ARHGEF10L: variants seen among roughly 807,000 people sequenced by gnomAD.
The protein encoded by ARHGEF10L is Rho guanine nucleotide exchange factor 10 like.
Under a neutral mutation model 141.2 loss-of-function variants are expected in ARHGEF10L, and 69 were observed. That is an observed-to-expected ratio of 0.49 (90% CI 0.40 to 0.60). The LOEUF (loss-of-function observed/expected upper bound fraction) is 0.60, where lower values mean the gene tolerates loss of function less well. Ranked by LOEUF, ARHGEF10L falls within the 20% of genes least tolerant of loss-of-function variation. The probability of loss-of-function intolerance (pLI) is 0.00; values close to 1 mark genes in which losing one functional copy is unlikely to be tolerated. For synonymous variants in ARHGEF10L, 711 were observed against 718.5 expected (o/e 0.99, Z 0.17); for missense variants, 1,482 against 1,734.3 (o/e 0.85, Z 2.58).
chr1:17,592,795 T>C (rs2079671525), intron 4 of ARHGEF10L, among the ~76,000 whole-genome samples: 1 of 152,124 alleles, frequency 6.6e-6, no homozygotes, highest in Non-Finnish European at 1.5e-5. Flanking sequence ...TCCGGAACAT[T>C]TGAGCCTCCT....
chr1:17,651,227 T>G lies in ARHGEF10L; in HGVS notation c.2394+2552T>G, dbSNP rs563117456. On this transcript the variant is annotated intron_variant, in intron 22 of 28. Coordinates refer to ENST00000361221, the MANE Select transcript of ARHGEF10L (RefSeq NM_018125.4). ...AGCTAGGTGCCCCAGTCTATCACCC[T>G]AGTCCTGGCCCTGGTGGAGGCCGTC... Among the ~76,000 whole-genome samples the G allele has an allele frequency of 2.0e-5, 3 of 152,346 alleles. No homozygotes were observed. In the South Asian group the frequency reaches 6.2e-4, roughly 32 times the overall value.
chr1:17,607,659 G>A lies in ARHGEF10L; in HGVS notation c.434-143G>A. 1 of 751,796 alleles carries A rather than the reference G, an allele frequency of 1.3e-6. No individual in the cohort carries two copies. The highest frequency in any genetic ancestry group is 2.0e-6 in the Non-Finnish European group (1 of 508,640). The allele number at this position is 751,796 out of a possible 1,614,324, so 46.6% of individuals were successfully genotyped here. On this transcript the variant is annotated intron_variant, in intron 6 of 28. Coordinates refer to ENST00000361221, the MANE Select transcript of ARHGEF10L (RefSeq NM_018125.4). The surrounding 1 kb of genome is among the most constrained non-coding windows in gnomAD (Gnocchi z 4.5). ...TTATCATCTTCGTTTCATGGTTGAG[G>A]AGGTAGAGCTGGAGCCCCAGGGCCC...
At position 17,587,573 on chromosome 1, in the gene ARHGEF10L, G is replaced by T. The variant is rs2079130199; in HGVS notation, c.151G>T (p.Gly51Cys). Residue 51 changes from glycine (G) to cysteine (C), a missense_variant, in exon 3 of 29, where the codon GGC becomes TGC. Gly to Cys is a radical substitution (Grantham distance 159, BLOSUM62 -3). Coordinates refer to ENST00000361221, the MANE Select transcript of ARHGEF10L (RefSeq NM_018125.4). ...DDEEDTSAAL[G>C]VPSLAPERDT... ...TGAAGAGGACACCAGCGCAGCCCTG[G>T]GCGTCCCCAGCCTTGCTCCTGAGAG... is the stretch of plus-strand genomic sequence containing the variant. The T allele has an allele frequency of 1.2e-6, 2 of 1,614,022 alleles. No homozygotes were observed. The highest frequency in any genetic ancestry group is 1.7e-6 in the Non-Finnish European group (2 of 1,180,020).
chr1:17,664,445 A>T lies in ARHGEF10L; in HGVS notation c.2861-2A>T. The T allele has an allele frequency of 6.2e-7, 1 of 1,602,040 alleles. No individual in the cohort carries two copies. Among genetic ancestry groups the T allele is most frequent in the African/African-American group, 1.3e-5 (1 of 74,982 alleles). The stretch of plus-strand genomic sequence containing the variant: ...TGACCTGCCTCCCCTCTCTCCCTGC[A>T]GGAGGTGTCCTGTGGGACCTGGAGA... On this transcript the variant is annotated splice_acceptor_variant, in intron 25 of 28. Transcript: ENST00000361221. LOFTEE classifies it high-confidence loss of function.
intron 16 of ARHGEF10L, 85 bp from the exon 17 acceptor site, chr1:17,634,463 G>A: frequency 1.2e-6 from 2 of 1,607,452 alleles, no homozygotes; most frequent in Non-Finnish European, 1.7e-6. Context: ...CAGCCCCATG[G>A]CTGGCCCCCA....
chr1:17,514,268 T>C, the ARHGEF10L span, among the ~76,000 whole-genome samples: 2 of 150,962 alleles, frequency 1.3e-5, no homozygotes, highest in African/African-American at 2.4e-5. Context: ...CCCGAGTAGC[T>C]GAGATTACAG....
chr1:17,634,464 C>T (rs891231269), intron 16 of ARHGEF10L, 84 bp from the exon 17 acceptor site: 1 of 1,608,182 alleles, frequency 6.2e-7, no homozygotes. Flanking sequence ...AGCCCCATGG[C>T]TGGCCCCCAG....
intron 21 of ARHGEF10L, among the ~76,000 whole-genome samples, chr1:17,648,339 A>T (rs1449520068): frequency 6.6e-6 from 1 of 152,054 alleles, no homozygotes; most frequent in Admixed American, 6.6e-5. Flanking sequence ...TCAAGCTGGG[A>T]CCTTGTTTTT....
intron 27 of ARHGEF10L, chr1:17,689,807 A>G (rs2064960088): frequency 2.2e-6 from 1 of 455,856 alleles, no homozygotes; most frequent in African/African-American, 2.0e-5. Flanking sequence ...AATCTTTGGA[A>G]TCTCGTCTTG....
rs2079920276 is a variant in ARHGEF10L at position 17,594,827 on chromosome 1, C to A, written c.257+6348C>A. Among the ~76,000 whole-genome samples the A allele has an allele frequency of 2.0e-5, 3 of 152,232 alleles. No homozygotes were observed. The South Asian group carries it at 6.2e-4, about 32-fold the overall frequency. On this transcript the variant is annotated intron_variant, in intron 4 of 28. Coordinates refer to ENST00000361221, the MANE Select transcript of ARHGEF10L (RefSeq NM_018125.4). The stretch of plus-strand genomic sequence containing the variant: ...CTGTAAAGCAGGGTGATGAGACTCA[C>A]CGGATGGCACTGTTGGTGGGGATGA...
intron 16 of ARHGEF10L, among the ~76,000 whole-genome samples, chr1:17,632,780 T>C (rs2060774905): frequency 6.6e-6 from 1 of 152,216 alleles, no homozygotes; most frequent in Non-Finnish European, 1.5e-5. Flanking sequence ...AAGAGATTCT[T>C]CCTTGTGTCT....
Position 17,654,695 on chromosome 1 carries a change from C to A in ARHGEF10L, c.2454C>A (p.Ser818Arg). The A allele has an allele frequency of 6.2e-7, 1 of 1,614,188 alleles. No individual in the cohort carries two copies. The change falls in exon 23 of 29, where the codon AGC (serine) becomes AGA (arginine). Residue 818 changes from serine to arginine, a missense_variant. Around this residue, in one of 3 missense-constraint regions of ARHGEF10L, gnomAD observed 858 missense variants for 966.3 expected, o/e 0.89. Coordinates refer to ENST00000361221, the MANE Select transcript of ARHGEF10L (RefSeq NM_018125.4). The surrounding 1 kb of genome is among the most constrained non-coding windows in gnomAD (Gnocchi z 4.3). The stretch of plus-strand genomic sequence containing the variant: ...CCCTGCTGGGTTTCTCAGCAGTCAG[C>A]ACCTCCCTTCCACAGGGCTACCTCT... ...NCPLLGFSAV[S>R]TSLPQGYLWV...
chr1:17,672,884 G>T (rs906592470), intron 26 of ARHGEF10L, among the ~76,000 whole-genome samples: 3 of 152,050 alleles, frequency 2.0e-5, no homozygotes, highest in Admixed American at 6.5e-5. Context: ...GGGCCTGGAG[G>T]GGGTGAAGAG....
intron 19 of ARHGEF10L, among the ~76,000 whole-genome samples, chr1:17,638,329 G>A (rs923647369): frequency 4.9e-4 from 74 of 152,336 alleles, no homozygotes; most frequent in African/African-American, 1.7e-3. Flanking sequence ...AGCTGGCTGC[G>A]ACGGCATGTC....
the ARHGEF10L span, among the ~76,000 whole-genome samples, chr1:17,534,272 G>A: frequency 3.1e-3 from 466 of 152,132 alleles, no homozygotes; most frequent in African/African-American, 0.011. Context: ...ACAGGCGCCC[G>A]CCTCCACGCC....
intron 4 of ARHGEF10L, among the ~76,000 whole-genome samples, chr1:17,596,915 C>T (rs2080167368): frequency 6.6e-6 from 1 of 152,120 alleles, no homozygotes; most frequent in Non-Finnish European, 1.5e-5. Flanking sequence ...AGTAGATGGG[C>T]GTGGTGGCAC....
chr1:17,687,528 C>G (rs1271344904), intron 26 of ARHGEF10L, 45 bp from the exon 27 acceptor site: 1 of 1,606,214 alleles, frequency 6.2e-7, no homozygotes, highest in East Asian at 2.2e-5. Context: ...GGAGGCTCAG[C>G]TGGCAGGCCC....
rs1196595829 is a variant in ARHGEF10L at position 17,627,592 on chromosome 1, G to C, written c.1584+89G>C. The C allele has an allele frequency of 4.1e-6, 6 of 1,481,168 alleles. No homozygotes were observed. In the East Asian group the frequency reaches 1.5e-4, roughly 36 times the overall value. The allele number at this position is 1,481,168 out of a possible 1,614,324, so 91.8% of individuals were successfully genotyped here. A position where few individuals can be genotyped will look rare whatever the true frequency, so the allele number is the denominator to read the frequency against. ...CCCCTGCCCCACGCCACCCACACTAGGTGGCAGTGTTCTCTGAGGGAGGGG... is the reference window on the plus strand; with the variant it reads ...CCCCTGCCCCACGCCACCCACACTACGTGGCAGTGTTCTCTGAGGGAGGGG... On this transcript the variant is annotated intron_variant, in intron 15 of 28. Coordinates refer to ENST00000361221, the MANE Select transcript of ARHGEF10L (RefSeq NM_018125.4). This position sits in a 1 kb window ranked among gnomAD's most constrained non-coding sequence, Gnocchi z 4.0.
intron 25 of ARHGEF10L, among the ~76,000 whole-genome samples, chr1:17,657,476 A>G (rs1276639145): frequency 6.6e-6 from 1 of 152,124 alleles, no homozygotes; most frequent in Non-Finnish European, 1.5e-5. Flanking sequence ...GCCAGCCCCC[A>G]GTCCCCTGGA....
Sources: allele counts gnomAD v4.1 joint callset (sites outside exome capture counted in the v4.1 genomes callset), GRCh38; gene constraint gnomAD v4.1.1; regional missense constraint gnomAD v4.1.1; non-coding constraint Gnocchi (gnomAD v3.1); transcripts MANE v1.5; gene names NCBI Gene and HGNC (gene_info 2026-07-23, HGNC 2026-07-21).